Variants in OTUD7A observed in about 807,000 individuals in gnomAD.
OTUD7A encodes OTU domain-containing protein 7A.
A neutral mutation model predicts 65.7 loss-of-function variants in OTUD7A; 12 were observed. The ratio of observed to expected loss-of-function variants is 0.18; its 90% CI spans 0.12 to 0.30. The LOEUF (loss-of-function observed/expected upper bound fraction) is 0.30. OTUD7A is among the 10% of genes least tolerant of loss of function. The pLI is 1.00. For synonymous variants in OTUD7A, 641 were observed against 586.3 expected (o/e 1.09, Z -1.35); for missense variants, 1,148 against 1,304.8 (o/e 0.88, Z 1.85).
intron 1 of OTUD7A, among the ~76,000 whole-genome samples, chr15:31,778,822 C>T (rs777467650): frequency 1.5e-4 from 23 of 152,180 alleles, no homozygotes; most frequent in Non-Finnish European, 2.2e-4. Context: ...TTCCTTTCCC[C>T]GCTCCCAGCC....
At chr15:31,747,436 A>G (rs1038928355) in intron 1 of OTUD7A, among the ~76,000 whole-genome samples, 1 of 152,206 alleles carries the variant, frequency 6.6e-6, no homozygotes, top group African/African-American at 2.4e-5. Context: ...CCAGAAAGGA[A>G]GGAGGTGTTG....
At chr15:31,579,676 G>A (rs1478802983) in intron 3 of OTUD7A, among the ~76,000 whole-genome samples, 1 of 152,168 alleles carries the variant, frequency 6.6e-6, no homozygotes, top group Non-Finnish European at 1.5e-5. Flanking sequence ...GATAAGGGGG[G>A]CTATTGTATG....
At chr15:31,566,963 A>G (rs1306589472) in intron 4 of OTUD7A, among the ~76,000 whole-genome samples, 1 of 152,204 alleles carries the variant, frequency 6.6e-6, no homozygotes, top group Non-Finnish European at 1.5e-5. Context: ...TTCTTTATAA[A>G]TTACCCAGCC....
At chr15:31,835,285 T>C (rs1377595906) in intron 1 of OTUD7A, among the ~76,000 whole-genome samples, 3 of 152,260 alleles carry the variant, frequency 2.0e-5, no homozygotes, top group Admixed American at 6.5e-5. Context: ...AGTATAACCA[T>C]GTCCCATGTA....
At chr15:31,772,887 G>C (rs1379496353) in intron 1 of OTUD7A, among the ~76,000 whole-genome samples, 1 of 152,130 alleles carries the variant, frequency 6.6e-6, no homozygotes, top group South Asian at 2.1e-4. Flanking sequence ...ATGTATTAAA[G>C]AAGTTTGTAT....
At chr15:31,486,125 C>T (rs1358890381) in intron 12 of OTUD7A, among the ~76,000 whole-genome samples, 1 of 152,140 alleles carries the variant, frequency 6.6e-6, no homozygotes, top group African/African-American at 2.4e-5. Context: ...ATGAAGGCAC[C>T]GAGGCCTGGC....
intron 8 of OTUD7A, 97 bp from the exon 9 acceptor site, chr15:31,503,915 C>T: frequency 1.4e-6 from 2 of 1,435,366 alleles, no homozygotes; most frequent in Non-Finnish European, 9.6e-7. Context: ...GCCCTCCCCA[C>T]TCTGGATATT....
intron 1 of OTUD7A, among the ~76,000 whole-genome samples, chr15:31,732,716 A>G (rs570923812): frequency 6.6e-6 from 1 of 152,330 alleles, no homozygotes; most frequent in Admixed American, 6.5e-5. Flanking sequence ...ACAGATTCAC[A>G]CTGTGGAAAT....
intron 3 of OTUD7A, among the ~76,000 whole-genome samples, chr15:31,620,700 A>G: frequency 9.1e-6 from 1 of 110,280 alleles, no homozygotes; most frequent in South Asian, 2.6e-4. Flanking sequence ...AATTTTGTTG[A>G]TCCTTTCAAA....
At chr15:31,521,853 G>T (rs1435543858) in intron 8 of OTUD7A, among the ~76,000 whole-genome samples, 1 of 152,228 alleles carries the variant, frequency 6.6e-6, no homozygotes, top group Non-Finnish European at 1.5e-5. Context: ...GGTCCCTCTT[G>T]CTCTGCTCTC....
At chr15:31,601,352 G>C (rs1364515121) in intron 3 of OTUD7A, among the ~76,000 whole-genome samples, 1 of 152,128 alleles carries the variant, frequency 6.6e-6, no homozygotes, top group Non-Finnish European at 1.5e-5. Flanking sequence ...ACCTGCTCCT[G>C]AATGACTCCT....
At chr15:31,610,613 A>ATTTTTTT (rs1228282525) in intron 3 of OTUD7A, among the ~76,000 whole-genome samples, 29 of 31,642 alleles carry the variant, frequency 9.2e-4, no homozygotes, top group Admixed American at 1.4e-3. Context: ...ATATATATAT[A>ATTTTTTT]TATATTTTTT....
At chr15:31,548,344 T>G (rs1464485087) in intron 5 of OTUD7A, among the ~76,000 whole-genome samples, 1 of 152,162 alleles carries the variant, frequency 6.6e-6, no homozygotes, top group Non-Finnish European at 1.5e-5. Flanking sequence ...AGAGTGTTCC[T>G]TTGGAGATTT....
At chr15:31,687,894 T>C (rs1472360895) in intron 1 of OTUD7A, among the ~76,000 whole-genome samples, 1 of 152,172 alleles carries the variant, frequency 6.6e-6, no homozygotes, top group East Asian at 1.9e-4. Context: ...GCCCCATTGC[T>C]TACTAGTAAA....
chr15:31,525,442 T>C (rs1220175216), intron 8 of OTUD7A, among the ~76,000 whole-genome samples: 3 of 152,160 alleles, frequency 2.0e-5, no homozygotes, highest in Non-Finnish European at 4.4e-5. Context: ...CAGCTGCAGC[T>C]CTGTGGGAGC....
At chr15:31,759,054 A>C (rs1894890076) in intron 1 of OTUD7A, among the ~76,000 whole-genome samples, 2 of 152,212 alleles carry the variant, frequency 1.3e-5, no homozygotes, top group South Asian at 4.1e-4. Flanking sequence ...TGTCAATCTT[A>C]AAATGCTCTA....
rs923103157 is a variant in OTUD7A, at chr15:31,482,897, TGGAAGA to T, written c.*391_*396del. The T allele has an allele frequency of 7.4e-5, 11 of 148,928 alleles. No homozygotes were observed. Among genetic ancestry groups the T allele is most frequent in the African/African-American group, 2.8e-4 (11 of 39,986 alleles). The allele number at this position is 148,928 out of a possible 1,614,324, so 9.2% of individuals were successfully genotyped here. ...CAACCGCGCACAAGGGACCGCTACC[TGGAAGA>T]GGTCATCGCTAGGGTAGGAGAAAAA... On this transcript the variant is annotated 3_prime_UTR_variant, in exon 13 of 13. Coordinates refer to ENST00000307050, the MANE Select transcript of OTUD7A (RefSeq NM_001382637.1).
chr15:31,686,672 G>A (rs1423530491), intron 1 of OTUD7A, among the ~76,000 whole-genome samples: 3 of 152,228 alleles, frequency 2.0e-5, no homozygotes, highest in Non-Finnish European at 2.9e-5. Context: ...CCTGGGGCTG[G>A]AGCCCACCAG....
intron 1 of OTUD7A, among the ~76,000 whole-genome samples, chr15:31,694,144 C>A (rs927825335): frequency 3.9e-5 from 6 of 152,136 alleles, no homozygotes; most frequent in African/African-American, 1.4e-4. Context: ...CCCAGAGTGG[C>A]GCTCAGAAGC....
Sources: gnomAD v4.1 joint callset for allele counts (sites outside exome capture counted in the v4.1 genomes callset) on GRCh38, gnomAD v4.1.1 for gene constraint, MANE v1.5 for transcripts, NCBI Gene and HGNC (gene_info 2026-07-23, HGNC 2026-07-21) for gene names.